Variants in NFASC observed in about 807,000 individuals in gnomAD.
NFASC encodes the protein neurofascin.
Under a neutral mutation model 147.5 loss-of-function variants are expected in NFASC, and 43 were observed. The observed-to-expected ratio is 0.29, with a 90% confidence interval of 0.23 to 0.38. The LOEUF (loss-of-function observed/expected upper bound fraction) is 0.38. NFASC is among the 10% of genes least tolerant of loss of function. The probability of loss-of-function intolerance (pLI) is 1.00; values close to 1 mark genes in which losing one functional copy is unlikely to be tolerated. For missense variants in NFASC, 1,320 were observed against 1,689.0 expected (o/e 0.78, Z 3.83); for synonymous variants, 622 against 665.5 (o/e 0.93, Z 1.01).
In NFASC at chr1:204,944,274, C is replaced by A. The variant is rs1384441946; in HGVS notation, c.-42C>A. 1.2e-6 allele frequency: 2 copies of A among 1,604,400 alleles called. No individual in the cohort carries two copies. Among genetic ancestry groups the A allele is most frequent in the South Asian group, 1.1e-5 (1 of 89,390 alleles). On this transcript the variant is annotated 5_prime_UTR_variant, in exon 3 of 30. Transcript: ENST00000339876. ...GTTAAAGCGGCTCGAGGTGACAAGACCCCGAGTGCTGGGGAGCAGGGAGCA... is the reference window on the plus strand; with the variant it reads ...GTTAAAGCGGCTCGAGGTGACAAGAACCCGAGTGCTGGGGAGCAGGGAGCA...
intron 2 of NFASC, among the ~76,000 whole-genome samples, chr1:204,932,056 G>A (rs2092407363): frequency 6.6e-6 from 1 of 152,020 alleles, no homozygotes; most frequent in Non-Finnish European, 1.5e-5. Flanking sequence ...CCAGAATAAG[G>A]GGATACTATA....
intron 8 of NFASC, among the ~76,000 whole-genome samples, chr1:204,964,542 C>T (rs1320350899): frequency 6.6e-6 from 1 of 152,256 alleles, no homozygotes; most frequent in African/African-American, 2.4e-5. Flanking sequence ...AAAGCTCCAA[C>T]TACTGCATAT....
In NFASC at chr1:204,918,550, C is replaced by T. The variant is rs1487416296; in HGVS notation, c.-199-2082C>T. ...ACTGGGCTCAAAGGTTCATTTGTTT[C>T]ATTTTATCTTCATTTTTACATAATT... is the stretch of plus-strand genomic sequence containing the variant. On this transcript the variant is annotated intron_variant, in intron 1 of 29. Coordinates refer to ENST00000339876, the MANE Select transcript of NFASC (RefSeq NM_001005388.3). 2.7e-5 allele frequency among the ~76,000 whole-genome samples: 4 copies of T among 147,554 alleles called. No homozygotes were observed. In the East Asian group the frequency reaches 6.0e-4, roughly 22 times the overall value.
intron 1 of NFASC, among the ~76,000 whole-genome samples, chr1:204,905,334 C>T (rs184630029): frequency 2.0e-5 from 3 of 151,926 alleles, no homozygotes; most frequent in Middle Eastern, 3.4e-3. Flanking sequence ...GCACAAGGCT[C>T]CAACTTCACA....
intron 19 of NFASC, 114 bp from the exon 20 acceptor site, chr1:204,980,256 G>A: frequency 1.3e-6 from 1 of 783,122 alleles, no homozygotes; most frequent in Non-Finnish European, 2.2e-6. Context: ...ATACATAGAT[G>A]CCGAGGAAAG....
chr1:204,907,601 G>A (rs1023937626), intron 1 of NFASC, among the ~76,000 whole-genome samples: 9 of 152,176 alleles, frequency 5.9e-5, no homozygotes, highest in South Asian at 2.1e-4. Flanking sequence ...TTACTGTCCC[G>A]TTTGGACTGG....
chr1:204,988,905 G>A, intron 23 of NFASC, 99 bp downstream of exon 23: 2 of 1,184,352 alleles, frequency 1.7e-6, no homozygotes, highest in Non-Finnish European at 2.5e-6. Context: ...GGATGGAGAG[G>A]AAATGAGACT....
At chr1:204,861,867 C>A (rs1027933765) in intron 1 of NFASC, among the ~76,000 whole-genome samples, 3 of 152,228 alleles carry the variant, frequency 2.0e-5, no homozygotes, top group Non-Finnish European at 2.9e-5. Flanking sequence ...ACTCCAGACT[C>A]ATGAACTTTG....
intron 27 of NFASC, among the ~76,000 whole-genome samples, chr1:205,006,739 G>T (rs139778521): frequency 6.6e-5 from 10 of 152,318 alleles, no homozygotes; most frequent in African/African-American, 2.2e-4. Context: ...GAAGTGTTTT[G>T]GAAGAAGTGG....
chr1:204,893,734 T>G lies in NFASC; in HGVS notation c.-199-26898T>G, dbSNP rs1558008994. 2.0e-5 allele frequency among the ~76,000 whole-genome samples: 3 copies of G among 152,368 alleles called. 1 individual carries two copies. The highest frequency in any genetic ancestry group is 4.1e-4 in the South Asian group (2 of 4,832). On this transcript the variant is annotated intron_variant, in intron 1 of 29. Transcript: ENST00000339876. ...ACTCAAGCTCTGCTGCCTCCTGGGC[T>G]GCTCTGGCAGTTTTAGGCTTTCCCC...
Position 204,890,384 on chromosome 1 carries a change from G to A in NFASC, c.-199-30248G>A, listed in dbSNP as rs143477990. Among the ~76,000 whole-genome samples the A allele has an allele frequency of 9.0e-3, 1,367 of 152,310 alleles. 9 individuals carry two copies. Among genetic ancestry groups the A allele is most frequent in the Non-Finnish European group, 0.015 (1,030 of 68,014 alleles). On this transcript the variant is annotated intron_variant, in intron 1 of 29. Transcript: ENST00000339876. ...AAACCTAGGAAGCAATACAGGGCAG[G>A]CCTGGGGGCAACCAACCCCATCCTT...
At chr1:204,858,955 C>T (rs1001285439) in intron 1 of NFASC, among the ~76,000 whole-genome samples, 5 of 151,852 alleles carry the variant, frequency 3.3e-5, no homozygotes, top group Non-Finnish European at 7.4e-5. Flanking sequence ...TCTTGCCCTC[C>T]GCTATTCAGT....
chr1:204,890,623 A>G (rs1267031567), intron 1 of NFASC, among the ~76,000 whole-genome samples: 1 of 149,442 alleles, frequency 6.7e-6, no homozygotes, highest in Non-Finnish European at 1.5e-5. Flanking sequence ...AGGCTAAAAT[A>G]TAATAGCATG....
At chr1:204,867,621 A>G (rs1054355868) in intron 1 of NFASC, among the ~76,000 whole-genome samples, 1 of 152,118 alleles carries the variant, frequency 6.6e-6, no homozygotes. Context: ...CCTGGCAGGT[A>G]TACATGCACA....
intron 10 of NFASC, 92 bp from the exon 11 acceptor site, chr1:204,970,524 G>T: frequency 6.8e-7 from 1 of 1,471,382 alleles, no homozygotes; most frequent in East Asian, 2.3e-5. Context: ...TGGGACTCAG[G>T]GGCTCCTGCC....
chr1:204,957,507 A>G (rs975541687), intron 7 of NFASC, 149 bp from the exon 8 acceptor site: 54 of 658,368 alleles, frequency 8.2e-5, no homozygotes, highest in Admixed American at 3.8e-4. Context: ...GGAATAAGCC[A>G]TACTTCAGAG....
intron 1 of NFASC, among the ~76,000 whole-genome samples, chr1:204,870,007 C>G (rs575790220): frequency 6.6e-6 from 1 of 152,226 alleles, no homozygotes; most frequent in African/African-American, 2.4e-5. Context: ...TCATGTTTTT[C>G]CAAACTCCCT....
At chr1:204,839,895 G>T (rs1674805169) in intron 1 of NFASC, among the ~76,000 whole-genome samples, 1 of 152,206 alleles carries the variant, frequency 6.6e-6, no homozygotes, top group Non-Finnish European at 1.5e-5. Flanking sequence ...AAGAGAAGCA[G>T]AGCTTGGTGA....
At chr1:204,969,232 G>A (rs557537309) in intron 10 of NFASC, among the ~76,000 whole-genome samples, 49 of 152,230 alleles carry the variant, frequency 3.2e-4, no homozygotes, top group Non-Finnish European at 6.3e-4. Context: ...TGGTGCCAGC[G>A]CTCCCTCAGC....
Sources: allele counts gnomAD v4.1 joint callset (sites outside exome capture counted in the v4.1 genomes callset), GRCh38; gene constraint gnomAD v4.1.1; transcripts MANE v1.5; gene names NCBI Gene and HGNC (gene_info 2026-07-23, HGNC 2026-07-21).